NUP35: variants seen among roughly 807,000 people sequenced by gnomAD.
The protein encoded by NUP35 is nucleoporin NUP35.
Under a neutral mutation model 41.5 loss-of-function variants are expected in NUP35, and 25 were observed. That is an observed-to-expected ratio of 0.60 (90% confidence interval 0.44 to 0.84). The LOEUF (loss-of-function observed/expected upper bound fraction) is 0.84, where lower values mean the gene tolerates loss of function less well. Among genes scored for constraint, NUP35 ranks in the 40% least tolerant of loss-of-function variants. The pLI is 0.00. For missense variants in NUP35, 396 were observed against 396.6 expected (o/e 1.00, Z 0.01); for synonymous variants, 149 against 130.7 (o/e 1.14, Z -0.96).
At chr2:183,157,336 C>T (rs377582405) in intron 5 of NUP35, 108 bp from the exon 6 acceptor site, 9 of 826,810 alleles carry the variant, frequency 1.1e-5, no homozygotes, top group Admixed American at 1.9e-5. Context: ...CTCCTGTTAA[C>T]GTTCTAGACA....
At chr2:183,160,689 C>CTA in intron 8 of NUP35, 1 of 153,512 alleles carries the variant, frequency 6.5e-6, no homozygotes, top group East Asian at 1.9e-4. Context: ...ATTCAATTTT[C>CTA]TAATTTAAGA....
intron 4 of NUP35, among the ~76,000 whole-genome samples, chr2:183,150,466 T>G (rs1390964991): frequency 6.6e-6 from 1 of 152,196 alleles, no homozygotes; most frequent in Non-Finnish European, 1.5e-5. Flanking sequence ...TGTTTTATTA[T>G]TTTCTCCACA....
At chr2:183,157,374 A>G in intron 5 of NUP35, 70 bp from the exon 6 acceptor site, 2 of 1,101,690 alleles carry the variant, frequency 1.8e-6, no homozygotes, top group Non-Finnish European at 1.4e-6. Context: ...TTGAAACATT[A>G]TCTTGTAGTA....
intron 4 of NUP35, among the ~76,000 whole-genome samples, chr2:183,142,983 C>T (rs1293098094): frequency 6.6e-6 from 1 of 151,136 alleles, no homozygotes; most frequent in South Asian, 2.1e-4. Context: ...GGTGAAACAC[C>T]GTCTCTACTA....
upstream of NUP35, chr2:183,124,368 A>G: frequency 6.2e-7 from 1 of 1,611,526 alleles, no homozygotes; most frequent in South Asian, 1.1e-5. Flanking sequence ...CAACCCCATA[A>G]GGTAGCACGC....
upstream of NUP35, among the ~76,000 whole-genome samples, chr2:183,122,582 T>C (rs1700085052): frequency 6.6e-6 from 1 of 152,206 alleles, no homozygotes; most frequent in Admixed American, 6.5e-5. Flanking sequence ...ATCTAATTCA[T>C]TTTAGTTGTT....
At position 183,119,345 on chromosome 2, in the gene NUP35, G is replaced by C. The variant is rs760356411; in HGVS notation, c.-120-661G>C. Among the ~76,000 whole-genome samples, 76 of 152,046 alleles carry C rather than the reference G, an allele frequency of 5.0e-4. 2 individuals are homozygous for C. Among genetic ancestry groups the C allele is most frequent in the Non-Finnish European group, 1.0e-4 (7 of 68,034 alleles). On this transcript the variant is annotated intron_variant, in intron 1 of 9. Transcript: ENST00000409798. ...GGAAATACAAAATAGGAAAAGTTAT[G>C]GTCCCTGGCCTCAAGAAAATCCATC...
chr2:183,137,044 C>G (rs1050047323), intron 4 of NUP35, among the ~76,000 whole-genome samples: 1 of 151,902 alleles, frequency 6.6e-6, no homozygotes, highest in Non-Finnish European at 1.5e-5. Context: ...GAGCTGAGAT[C>G]GAGCCACTGC....
chr2:183,137,985 A>G (rs1371875257), intron 4 of NUP35, among the ~76,000 whole-genome samples: 2 of 151,946 alleles, frequency 1.3e-5, no homozygotes, highest in African/African-American at 4.8e-5. Flanking sequence ...TTGTAATTGT[A>G]GAAACTATAT....
intron 4 of NUP35, among the ~76,000 whole-genome samples, chr2:183,136,872 T>C (rs959218719): frequency 3.3e-5 from 5 of 152,142 alleles, no homozygotes; most frequent in African/African-American, 1.2e-4. Flanking sequence ...TGCAGCTCAC[T>C]TGAGGCCAGG....
At chr2:183,129,918 T>C (rs983106610) in intron 2 of NUP35, among the ~76,000 whole-genome samples, 2 of 152,226 alleles carry the variant, frequency 1.3e-5, no homozygotes, top group Non-Finnish European at 2.9e-5. Context: ...TATTATGTAC[T>C]TAAATATATT....
chr2:183,133,351 C>T (rs1330950818), intron 3 of NUP35, among the ~76,000 whole-genome samples: 2 of 145,484 alleles, frequency 1.4e-5, no homozygotes, highest in Non-Finnish European at 3.0e-5. Flanking sequence ...CATAATATGA[C>T]TTTTCTTATT....
chr2:183,121,623 G>T (rs764682141), upstream of NUP35, among the ~76,000 whole-genome samples: 19 of 151,966 alleles, frequency 1.3e-4, no homozygotes, highest in Non-Finnish European at 2.4e-4. Context: ...CATGAGGTCA[G>T]GAGATCGAGA....
intron 4 of NUP35, 135 bp from the exon 5 acceptor site, chr2:183,151,373 C>T (rs746586124): frequency 1.5e-6 from 1 of 663,868 alleles, no homozygotes; most frequent in Non-Finnish European, 2.5e-6. Flanking sequence ...TGCTATTTGA[C>T]CACAGTTGTA....
At chr2:183,154,993 G>C (rs4666617) in intron 5 of NUP35, among the ~76,000 whole-genome samples, 123,427 of 152,054 alleles carry the variant, frequency 0.81, 51,009 homozygotes, top group East Asian at 0.99. Context: ...CCTGATAAAC[G>C]CGTCAGATCT....
intron 4 of NUP35, among the ~76,000 whole-genome samples, chr2:183,143,780 G>A (rs1304072719): frequency 6.6e-6 from 1 of 152,160 alleles, no homozygotes; most frequent in African/African-American, 2.4e-5. Flanking sequence ...CCCAAAACCT[G>A]ACACTTTTTT....
chr2:183,136,353 T>C (rs1997486), intron 4 of NUP35, among the ~76,000 whole-genome samples: 11,831 of 152,294 alleles, frequency 0.078, 546 homozygotes, highest in South Asian at 0.17. Flanking sequence ...AGCTCAGATG[T>C]CAACAGGGCT....
chr2:183,130,668 A>G, intron 3 of NUP35, 123 bp downstream of exon 3: 3 of 1,039,128 alleles, frequency 2.9e-6, no homozygotes, highest in Admixed American at 4.4e-5. Flanking sequence ...TGTTGCACAG[A>G]ATAAACATTA....
chr2:183,144,989 T>C (rs1463292039), intron 4 of NUP35, among the ~76,000 whole-genome samples: 1 of 152,048 alleles, frequency 6.6e-6, no homozygotes, highest in Non-Finnish European at 1.5e-5. Context: ...GATTATTACA[T>C]GATGTAGCAT....
Sources: gnomAD v4.1 joint callset for allele counts (sites outside exome capture counted in the v4.1 genomes callset) on GRCh38, gnomAD v4.1.1 for gene constraint, MANE v1.5 for transcripts, NCBI Gene and HGNC (gene_info 2026-07-23, HGNC 2026-07-21) for gene names.